CSMD2: variants seen among roughly 807,000 people sequenced by gnomAD.
The protein encoded by CSMD2 is CUB and Sushi multiple domains 2.
In CSMD2, 130 loss-of-function variants were observed where a neutral mutation model predicts 398.5. That is an observed-to-expected ratio of 0.33 (90% CI 0.28 to 0.38). The LOEUF is 0.38. Among genes scored for constraint, CSMD2 ranks in the 10% least tolerant of loss-of-function variants. The pLI is 1.00. For missense variants in CSMD2, 3,829 were observed against 4,764.9 expected, an observed-to-expected ratio of 0.80 and a Z score of 5.78; for synonymous variants, 1,828 against 1,908.5, an observed-to-expected ratio of 0.96 and a Z score of 1.10.
chr1:33,961,000 C>T (rs1035130431), intron 3 of CSMD2, among the ~76,000 whole-genome samples: 6 of 152,238 alleles, frequency 3.9e-5, no homozygotes, highest in African/African-American at 9.6e-5. Flanking sequence ...GACTCCATCT[C>T]CTACCATTCT....
At chr1:33,781,383 C>G (rs1214607573) in intron 12 of CSMD2, among the ~76,000 whole-genome samples, 1 of 152,238 alleles carries the variant, frequency 6.6e-6, no homozygotes, top group Non-Finnish European at 1.5e-5. Context: ...TTGTTCTATG[C>G]TACTGAAAAT....
chr1:34,092,409 G>A (rs1658678971), intron 1 of CSMD2, among the ~76,000 whole-genome samples: 1 of 152,228 alleles, frequency 6.6e-6, no homozygotes, highest in South Asian at 2.1e-4. Context: ...GAGGAGCCAA[G>A]ATGGCCGAAT....
intron 44 of CSMD2, chr1:33,592,534 C>G (rs1429501604): frequency 1.4e-5 from 10 of 717,168 alleles, no homozygotes; most frequent in Non-Finnish European, 2.3e-5. Context: ...ACAGGCACCA[C>G]AAAGTGATTG....
intron 29 of CSMD2, among the ~76,000 whole-genome samples, chr1:33,646,384 G>C (rs1342505344): frequency 6.6e-6 from 1 of 152,212 alleles, no homozygotes; most frequent in Non-Finnish European, 1.5e-5. Flanking sequence ...TAGAAAAAGA[G>C]AAGAGGACTA....
At chr1:33,751,986 TGATGGAATG>T (rs1338480189) in intron 13 of CSMD2, among the ~76,000 whole-genome samples, 3 of 152,132 alleles carry the variant, frequency 2.0e-5, no homozygotes, top group Non-Finnish European at 4.4e-5. Flanking sequence ...ATTTCAATGT[TGATGGAATG>T]CAACTGGCAG....
At chr1:34,066,317 T>C (rs1275857098) in intron 2 of CSMD2, among the ~76,000 whole-genome samples, 9 of 151,862 alleles carry the variant, frequency 5.9e-5, no homozygotes, top group African/African-American at 2.2e-4. Context: ...CTGCAGTTGA[T>C]TCATCCCACC....
chr1:34,073,792 T>A (rs1656007122), intron 2 of CSMD2, among the ~76,000 whole-genome samples: 1 of 152,204 alleles, frequency 6.6e-6, no homozygotes, highest in East Asian at 1.9e-4. Context: ...AGTCCATTCT[T>A]GCATTGCTGT....
At chr1:33,790,662 T>TCTAC (rs938048119) in intron 11 of CSMD2, among the ~76,000 whole-genome samples, 2 of 13,462 alleles carry the variant, frequency 1.5e-4, no homozygotes, top group African/African-American at 4.3e-4. Context: ...TGTTTGTCTG[T>TCTAC]CTATCTATCT....
intron 5 of CSMD2, among the ~76,000 whole-genome samples, chr1:33,889,380 A>T (rs1355277954): frequency 6.6e-6 from 1 of 152,250 alleles, no homozygotes; most frequent in Non-Finnish European, 1.5e-5. Flanking sequence ...GGATAAAAAC[A>T]AAACTTTAAT....
chr1:33,972,276 G>A (rs1431065436), intron 3 of CSMD2, among the ~76,000 whole-genome samples: 1 of 152,156 alleles, frequency 6.6e-6, no homozygotes, highest in East Asian at 1.9e-4. Context: ...GCTGCTTTGT[G>A]GCTGGTGCCA....
chr1:33,918,185 C>T lies in CSMD2; in HGVS notation c.829G>A (p.Gly277Arg). ...DCTWTILAEL[G>R]DTIALVFIDF... ...ATAAACACCAGGGCGATGGTGTCCC[C>T]CAGCTCAGCCAGGATGGTCCATGTG... The change falls in exon 5 of 71, where the codon GGG becomes AGG. Residue 277 changes from glycine (G) to arginine (R), a missense_variant. By Grantham distance (125) the Gly-to-Arg change is moderately radical. Coordinates refer to ENST00000373381, the MANE Select transcript of CSMD2 (RefSeq NM_001281956.2). The T allele has an allele frequency of 6.2e-7, 1 of 1,614,176 alleles. No individual in the cohort carries two copies. Among genetic ancestry groups the T allele is most frequent in the Non-Finnish European group, 8.5e-7 (1 of 1,180,042 alleles).
chr1:34,027,550 T>C (rs1053919609), intron 3 of CSMD2, among the ~76,000 whole-genome samples: 1 of 152,232 alleles, frequency 6.6e-6, no homozygotes, highest in Non-Finnish European at 1.5e-5. Flanking sequence ...AGATGAGGGC[T>C]TAAATTGTAT....
intron 31 of CSMD2, among the ~76,000 whole-genome samples, chr1:33,634,250 GGACA>G (rs1642659333): frequency 2.0e-5 from 3 of 152,124 alleles, no homozygotes; most frequent in Admixed American, 6.5e-5. Context: ...AATTTATAGA[GGACA>G]GAGAACATGT....
At chr1:33,851,484 C>T (rs1028686689) in intron 5 of CSMD2, among the ~76,000 whole-genome samples, 1 of 152,304 alleles carries the variant, frequency 6.6e-6, no homozygotes, top group Non-Finnish European at 1.5e-5. Flanking sequence ...AGGTCCTCAC[C>T]ACCTTATCCC....
At chr1:33,605,761 G>A (rs1250592373) in intron 41 of CSMD2, 2 of 950,082 alleles carry the variant, frequency 2.1e-6, no homozygotes, top group Non-Finnish European at 3.2e-6. Context: ...GTAGGAAAAG[G>A]AGGCTCAAGG....
intron 5 of CSMD2, chr1:33,864,105 G>C (rs569614518): frequency 7.6e-7 from 1 of 1,318,352 alleles, no homozygotes; most frequent in South Asian, 1.4e-5. Flanking sequence ...TGCAAGTACA[G>C]CACTTTCTAG....
chr1:33,729,017 C>T (rs1055822822), intron 15 of CSMD2, among the ~76,000 whole-genome samples: 3 of 152,136 alleles, frequency 2.0e-5, no homozygotes, highest in Non-Finnish European at 2.9e-5. Flanking sequence ...TGGGGAGGGG[C>T]GTGCCTATTG....
chr1:33,542,846 T>C lies in CSMD2; in HGVS notation c.9151A>G (p.Ser3051Gly), dbSNP rs893327722. Reference protein sequence around the residue: ...GTPSNARVVFSDGLVFSSSIV... With the variant: ...GTPSNARVVFGDGLVFSSSIV... ...GAGCTGGAGAAAACCAGGCCATCAC[T>C]GAACACAACTCGGGCATTACTTGGA... is the stretch of plus-strand genomic sequence containing the variant. The change falls in exon 58 of 71, where the codon AGT (serine) becomes GGT (glycine). Residue 3051 changes from serine to glycine, a missense_variant. Physicochemically the swap from Ser to Gly is moderately conservative, Grantham distance 56 (BLOSUM62 0). Around this residue, in one of 5 missense-constraint regions of CSMD2, gnomAD observed 917 missense variants for 1,199.5 expected, o/e 0.76. Transcript: ENST00000373381. 6.2e-6 allele frequency: 10 copies of C among 1,614,188 alleles called. No homozygotes were observed. The highest frequency in any genetic ancestry group is 2.7e-5 in the African/African-American group (2 of 75,052).
chr1:33,965,917 C>T (rs1645540256), intron 3 of CSMD2, among the ~76,000 whole-genome samples: 1 of 152,156 alleles, frequency 6.6e-6, no homozygotes, highest in South Asian at 2.1e-4. Flanking sequence ...AGGCAGAGTC[C>T]CTTCTCAGGG....
Sources: allele counts gnomAD v4.1 joint callset (sites outside exome capture counted in the v4.1 genomes callset), GRCh38; gene constraint gnomAD v4.1.1; regional missense constraint gnomAD v4.1.1; transcripts MANE v1.5; gene names NCBI Gene and HGNC (gene_info 2026-07-23, HGNC 2026-07-21).